The following KPNB1 variants were observed in gnomAD, a reference collection of about 807,000 sequenced individuals.
The protein encoded by KPNB1 is karyopherin subunit beta 1.
KPNB1 carries 7 observed loss-of-function variants against 113.0 expected under a neutral mutation model. The ratio of observed to expected loss-of-function variants is 0.06; its 90% CI spans 0.04 to 0.12. The LOEUF (loss-of-function observed/expected upper bound fraction) is 0.12. KPNB1 is among the 10% of genes least tolerant of loss of function. KPNB1 has a pLI of 1.00. For missense variants in KPNB1, 400 were observed against 1,054.8 expected, an observed-to-expected ratio of 0.38 and a Z score of 8.60; for synonymous variants, 363 against 378.6, an observed-to-expected ratio of 0.96 and a Z score of 0.48.
rs778045124 is a variant in KPNB1 at position 47,650,323 on chromosome 17, G to A, written c.40+39G>A. On this transcript the variant is annotated intron_variant, in intron 1 of 21. Transcript: ENST00000290158. ...GCCGGGGGTAGGGCTGAGGTGATTG[G>A]GGTGGGGGAGGGGAGGCCCGGCCCC... 9.3e-6 allele frequency: 15 copies of A among 1,611,232 alleles called. No homozygotes were observed. In the African/African-American group the frequency reaches 1.3e-4, roughly 14 times the overall value.
rs1184642466 is a variant in KPNB1, at chr17:47,650,217, A to G, written c.-28A>G. On this transcript the variant is annotated 5_prime_UTR_variant, in exon 1 of 22. Coordinates refer to ENST00000290158, the MANE Select transcript of KPNB1 (RefSeq NM_002265.6). ...CGAAAGGCCGGGCCGTCGTCTTAGG[A>G]GGAGTCGCCGCCGCCGCCACCTCCG... 5 of 1,400,574 alleles carry G rather than the reference A, an allele frequency of 3.6e-6. No individual in the cohort carries two copies. The highest frequency in any genetic ancestry group is 4.7e-6 in the Non-Finnish European group (5 of 1,056,970). 86.8% of individuals were successfully genotyped at this position (1,400,574 alleles called of 1,614,324 possible).
chr17:47,662,907 T>C (rs2030151374), intron 6 of KPNB1, among the ~76,000 whole-genome samples, 182 bp from the exon 7 acceptor site: 1 of 151,662 alleles, frequency 6.6e-6, no homozygotes, highest in East Asian at 1.9e-4. Context: ...AGAGACAAAA[T>C]GGGAAAATAA....
In KPNB1 at chr17:47,672,874, C is replaced by T. The variant is rs1036188275; in HGVS notation, c.1548-144C>T. On this transcript the variant is annotated intron_variant, in intron 12 of 21. Transcript: ENST00000290158. Reference sequence around the variant, plus strand: ...ATTGGCTCAAAGGACTTGAAGATTTCATTCTTGGATATTGTGTTTTCAAAC... The same window carrying T: ...ATTGGCTCAAAGGACTTGAAGATTTTATTCTTGGATATTGTGTTTTCAAAC... The T allele has an allele frequency of 1.1e-5, 7 of 639,690 alleles. No homozygotes were observed. In the East Asian group the frequency reaches 2.1e-4, roughly 19 times the overall value. 39.6% of individuals were successfully genotyped at this position (639,690 alleles called of 1,614,324 possible). A position where few individuals can be genotyped will look rare whatever the true frequency, so the allele number is the denominator to read the frequency against.
chr17:47,658,096 CAGA>C (rs1218772327), intron 4 of KPNB1, among the ~76,000 whole-genome samples: 2 of 152,132 alleles, frequency 1.3e-5, no homozygotes, highest in African/African-American at 2.4e-5. Context: ...CTCTTAAGAA[CAGA>C]AGAAGGACTG....
At chr17:47,650,567 C>CCCA in intron 2 of KPNB1, 123 bp downstream of exon 2, 1 of 616,872 alleles carries the variant, frequency 1.6e-6, no homozygotes. Context: ...CCCCTCCCCC[C>CCCA]TCCCCCTCCC....
At chr17:47,681,696 T>TTG (rs2030789407) in intron 21 of KPNB1, among the ~76,000 whole-genome samples, 1 of 145,176 alleles carries the variant, frequency 6.9e-6, no homozygotes, top group Non-Finnish European at 1.5e-5. Context: ...GTTTTTTTTT[T>TTG]TTTTTTTTTT....
intron 19 of KPNB1, 163 bp from the exon 20 acceptor site, chr17:47,679,857 C>T (rs1383133615): frequency 4.5e-5 from 23 of 513,288 alleles, no homozygotes; most frequent in African/African-American, 3.5e-4. Flanking sequence ...CCACCACGCC[C>T]GGCTAATTTT....
chr17:47,674,430 C>CA (rs1461391644), intron 14 of KPNB1, among the ~76,000 whole-genome samples: 1 of 152,166 alleles, frequency 6.6e-6, no homozygotes, highest in East Asian at 1.9e-4. Context: ...AGGATCAGCT[C>CA]ACGTTTGTTC....
rs1442535465 is a variant in KPNB1, at chr17:47,650,274, C to T, written c.30C>T (p.Thr10=). The change falls in exon 1 of 22, where the codon ACC becomes ACT. Residue 10 remains threonine (T), a synonymous_variant. Coordinates refer to ENST00000290158, the MANE Select transcript of KPNB1 (RefSeq NM_002265.6). ...AGCTGATCACCATTCTCGAGAAGAC[C>T]GTGTCTCCCGGTAGGACGCAGGAGC... The part of the protein sequence containing the change: MELITILEK[T]VSPDRLELEA... The T allele has an allele frequency of 2.5e-6, 4 of 1,603,804 alleles. No homozygotes were observed. The highest frequency in any genetic ancestry group is 2.2e-5 in the South Asian group (2 of 90,454).
At chr17:47,661,903 A>T (rs555183032) in intron 6 of KPNB1, among the ~76,000 whole-genome samples, 1 of 152,322 alleles carries the variant, frequency 6.6e-6, no homozygotes, top group East Asian at 1.9e-4. Flanking sequence ...ATACACAAAC[A>T]GTTAAGGGAG....
At chr17:47,671,026 C>T (rs1256708064) in intron 12 of KPNB1, among the ~76,000 whole-genome samples, 194 bp downstream of exon 12, 1 of 152,222 alleles carries the variant, frequency 6.6e-6, no homozygotes, top group Non-Finnish European at 1.5e-5. Flanking sequence ...GAGGCCAAGG[C>T]GGCTGGATCA....
At chr17:47,666,439 T>C (rs1436836268) in intron 9 of KPNB1, among the ~76,000 whole-genome samples, 1 of 143,822 alleles carries the variant, frequency 7.0e-6, no homozygotes, top group Non-Finnish European at 1.5e-5. Context: ...ATATATATTA[T>C]ATATTTTATA....
chr17:47,667,765 C>G (rs564224113), intron 9 of KPNB1, among the ~76,000 whole-genome samples: 28 of 152,080 alleles, frequency 1.8e-4, no homozygotes, highest in Admixed American at 5.2e-4. Flanking sequence ...ACCATGTTGA[C>G]CAGGCTGGTC....
intron 5 of KPNB1, among the ~76,000 whole-genome samples, chr17:47,660,339 T>C (rs2143111335): frequency 6.6e-6 from 1 of 152,340 alleles, no homozygotes; most frequent in Non-Finnish European, 1.5e-5. Flanking sequence ...TGCCACATTT[T>C]GTTTATCTAG....
At chr17:47,674,522 G>A (rs2030539242) in intron 14 of KPNB1, 116 bp from the exon 15 acceptor site, 1 of 934,724 alleles carries the variant, frequency 1.1e-6, no homozygotes, top group Non-Finnish European at 1.6e-6. Context: ...AATACATTTG[G>A]CATTCCCAAA....
At chr17:47,681,909 A>G (rs534676886) in intron 21 of KPNB1, among the ~76,000 whole-genome samples, 4 of 151,986 alleles carry the variant, frequency 2.6e-5, no homozygotes, top group African/African-American at 9.6e-5. Context: ...CACACCTCAT[A>G]GAAGCCTCCA....
chr17:47,650,208 C>A lies in KPNB1; in HGVS notation c.-37C>A, dbSNP rs773418640. On this transcript the variant is annotated 5_prime_UTR_variant, in exon 1 of 22. Coordinates refer to ENST00000290158, the MANE Select transcript of KPNB1 (RefSeq NM_002265.6). ...GCCGCCGCCCGAAAGGCCGGGCCGT[C>A]GTCTTAGGAGGAGTCGCCGCCGCCG... 5.8e-6 allele frequency: 8 copies of A among 1,381,920 alleles called. No individual in the cohort carries two copies. In the Admixed American group the frequency reaches 1.1e-4, roughly 20 times the overall value. 85.6% of individuals were successfully genotyped at this position (1,381,920 alleles called of 1,614,324 possible).
chr17:47,679,448 T>C (rs978612040), intron 19 of KPNB1, among the ~76,000 whole-genome samples: 5 of 152,168 alleles, frequency 3.3e-5, no homozygotes, highest in Non-Finnish European at 5.9e-5. Flanking sequence ...TCACCCCCCT[T>C]GGTATCATTA....
At chr17:47,673,741 CCTGT>C (rs1489375189) in intron 14 of KPNB1, 180 bp downstream of exon 14, 2 of 599,594 alleles carry the variant, frequency 3.3e-6, no homozygotes, top group Non-Finnish European at 3.0e-6. Context: ...ACCTGCCTTA[CCTGT>C]CTGTCTAGAA....
Sources: gnomAD v4.1 joint callset for allele counts (sites outside exome capture counted in the v4.1 genomes callset) on GRCh38, gnomAD v4.1.1 for gene constraint, MANE v1.5 for transcripts, NCBI Gene and HGNC (gene_info 2026-07-23, HGNC 2026-07-21) for gene names.